Variants in FRMD4A observed in about 807,000 individuals in gnomAD.
FRMD4A encodes FERM domain containing 4A.
Under a neutral mutation model 129.1 loss-of-function variants are expected in FRMD4A, and 29 were observed. The ratio of observed to expected loss-of-function variants is 0.22; its 90% CI spans 0.17 to 0.31. The LOEUF is 0.31. Among genes scored for constraint, FRMD4A ranks in the 10% least tolerant of loss-of-function variants. FRMD4A has a pLI of 1.00. For missense variants in FRMD4A, 1,272 were observed against 1,375.8 expected, an observed-to-expected ratio of 0.92 and a Z score of 1.19; for synonymous variants, 634 against 571.6, an observed-to-expected ratio of 1.11 and a Z score of -1.56.
At chr10:13,658,124 G>A (rs1435082454) in intron 21 of FRMD4A, among the ~76,000 whole-genome samples, 5 of 114,206 alleles carry the variant, frequency 4.4e-5, no homozygotes, top group Non-Finnish European at 8.4e-5. Flanking sequence ...GCAAGACCCT[G>A]TCTCTCTTAA....
intron 2 of FRMD4A, among the ~76,000 whole-genome samples, chr10:13,985,201 C>A (rs2095576656): frequency 6.6e-6 from 1 of 152,238 alleles, no homozygotes; most frequent in Non-Finnish European, 1.5e-5. Flanking sequence ...GCTCTGAAGT[C>A]CGGCTCACGT....
At chr10:14,084,509 G>A (rs1373885532) in intron 2 of FRMD4A, among the ~76,000 whole-genome samples, 1 of 152,198 alleles carries the variant, frequency 6.6e-6, no homozygotes, top group Non-Finnish European at 1.5e-5. Flanking sequence ...TATGTTATGT[G>A]ATGCTTTGAC....
At chr10:14,008,162 CTGTGTGTGTG>C (rs752913059) in intron 2 of FRMD4A, 780 of 630,152 alleles carry the variant, frequency 1.2e-3, no homozygotes, top group African/African-American at 2.4e-3. Flanking sequence ...TGGTGTACAG[CTGTGTGTGTG>C]TGTGTGTGTG....
At chr10:13,759,525 A>G (rs900095868) in intron 8 of FRMD4A, among the ~76,000 whole-genome samples, 2 of 152,196 alleles carry the variant, frequency 1.3e-5, no homozygotes, top group Non-Finnish European at 2.9e-5. Context: ...AGAAATGTGG[A>G]GGGAAAAATG....
chr10:13,748,734 G>A (rs1055247833), intron 8 of FRMD4A, among the ~76,000 whole-genome samples: 2 of 151,966 alleles, frequency 1.3e-5, no homozygotes, highest in African/African-American at 4.8e-5. Flanking sequence ...CCAACATGAC[G>A]CTCAAAGGAA....
chr10:14,326,946 C>T, intron 2 of FRMD4A: 3 of 398,710 alleles, frequency 7.5e-6, no homozygotes, highest in Non-Finnish European at 8.8e-6. Context: ...GTCTTCTCTC[C>T]AAGTCCCCCC....
intron 2 of FRMD4A, among the ~76,000 whole-genome samples, chr10:14,182,174 T>C (rs933127663): frequency 6.6e-6 from 1 of 152,186 alleles, no homozygotes; most frequent in Non-Finnish European, 1.5e-5. Flanking sequence ...AAAATGATAG[T>C]GATCAATGGA....
chr10:14,185,708 C>A (rs76254636), intron 2 of FRMD4A, among the ~76,000 whole-genome samples: 7 of 152,084 alleles, frequency 4.6e-5, no homozygotes, highest in Non-Finnish European at 7.4e-5. Flanking sequence ...ACAGTGGCAC[C>A]TTCAGTAGTT....
chr10:14,279,854 G>T (rs1458097636), intron 2 of FRMD4A, among the ~76,000 whole-genome samples: 1 of 152,110 alleles, frequency 6.6e-6, no homozygotes, highest in South Asian at 2.1e-4. Context: ...AAGTCTTCTG[G>T]GTCTCTCTAA....
intron 2 of FRMD4A, among the ~76,000 whole-genome samples, chr10:14,061,670 G>A (rs1305403297): frequency 6.6e-6 from 1 of 152,056 alleles, no homozygotes; most frequent in Non-Finnish European, 1.5e-5. Context: ...AATGAAACAA[G>A]GGGGATTGGC....
intron 2 of FRMD4A, among the ~76,000 whole-genome samples, chr10:14,018,992 C>T (rs149896331): frequency 5.9e-5 from 9 of 152,204 alleles, no homozygotes; most frequent in East Asian, 1.9e-4. Context: ...TTCAATAACA[C>T]GCACATTTAC....
intron 2 of FRMD4A, among the ~76,000 whole-genome samples, chr10:14,020,224 C>T (rs923490629): frequency 1.3e-5 from 2 of 152,320 alleles, no homozygotes; most frequent in African/African-American, 4.8e-5. Flanking sequence ...CTCACGAACC[C>T]AGCAGCATAG....
intron 2 of FRMD4A, among the ~76,000 whole-genome samples, chr10:14,184,881 A>G (rs1227471059): frequency 6.6e-6 from 1 of 152,200 alleles, no homozygotes; most frequent in Non-Finnish European, 1.5e-5. Context: ...CCCGGATACA[A>G]CTGCGTGGGT....
chr10:14,047,406 G>A (rs564932076), intron 2 of FRMD4A, among the ~76,000 whole-genome samples: 11 of 152,078 alleles, frequency 7.2e-5, no homozygotes, highest in Non-Finnish European at 1.6e-4. Flanking sequence ...GTCCTCAGAG[G>A]CCTGCCTACT....
At chr10:14,145,644 C>G (rs1016500114) in intron 2 of FRMD4A, among the ~76,000 whole-genome samples, 1 of 152,172 alleles carries the variant, frequency 6.6e-6, no homozygotes, top group Non-Finnish European at 1.5e-5. Flanking sequence ...ATTATATTGA[C>G]TGTTACTGGA....
At chr10:14,024,573 G>T (rs999305425) in intron 2 of FRMD4A, among the ~76,000 whole-genome samples, 3 of 152,238 alleles carry the variant, frequency 2.0e-5, no homozygotes, top group Non-Finnish European at 4.4e-5. Context: ...AACATCGCAG[G>T]CTGGACTGCT....
intron 12 of FRMD4A, among the ~76,000 whole-genome samples, chr10:13,730,464 C>T (rs917641626): frequency 6.6e-6 from 1 of 152,144 alleles, no homozygotes; most frequent in Non-Finnish European, 1.5e-5. Context: ...ACACAGCTGG[C>T]AGTTTTTTCT....
At chr10:13,835,860 G>T (rs2093864884) in intron 3 of FRMD4A, among the ~76,000 whole-genome samples, 1 of 152,170 alleles carries the variant, frequency 6.6e-6, no homozygotes, top group Non-Finnish European at 1.5e-5. Context: ...TCACCAGTCT[G>T]GAAAAATTGT....
chr10:13,798,655 T>C (rs1308108696), intron 4 of FRMD4A, among the ~76,000 whole-genome samples: 1 of 152,174 alleles, frequency 6.6e-6, no homozygotes, highest in Non-Finnish European at 1.5e-5. Flanking sequence ...AGGTGGAGCT[T>C]GCAGTGAGCC....
Sources: gnomAD v4.1 joint callset for allele counts (sites outside exome capture counted in the v4.1 genomes callset) on GRCh38, gnomAD v4.1.1 for gene constraint, MANE v1.5 for transcripts, NCBI Gene and HGNC (gene_info 2026-07-23, HGNC 2026-07-21) for gene names.